Variants in SOX13 observed in about 807,000 individuals in gnomAD.
SOX13 encodes transcription factor SOX-13.
Under a neutral mutation model 71.8 loss-of-function variants are expected in SOX13, and 28 were observed. That is an observed-to-expected ratio of 0.39 (90% CI 0.29 to 0.53). The LOEUF is 0.53. SOX13 is among the 20% of genes least tolerant of loss of function. The pLI is 0.70. For missense variants in SOX13, 627 were observed against 810.3 expected (o/e 0.77, Z 2.75); for synonymous variants, 309 against 317.8 (o/e 0.97, Z 0.29).
intron 1 of SOX13, among the ~76,000 whole-genome samples, chr1:204,088,129 T>C (rs141317855): frequency 2.6e-5 from 4 of 152,350 alleles, no homozygotes; most frequent in African/African-American, 9.6e-5. Flanking sequence ...ATCCTGAGAC[T>C]GGATCTGGAA....
Position 204,123,131 on chromosome 1 carries a change from C to T in SOX13, c.1154C>T (p.Ser385Leu). ...PFRKDLISLD[S>L]SPAKERLEDG... is the part of the protein sequence containing the mutation. Reference sequence around the variant, plus strand: ...ACCTAGGACCTCATCAGCCTGGACTCATCCCCAGCCAAGGAGCGGCTGGAG... The same window carrying T: ...ACCTAGGACCTCATCAGCCTGGACTTATCCCCAGCCAAGGAGCGGCTGGAG... Residue 385 changes from serine (S) to leucine (L), a missense_variant, in exon 11 of 14, where the codon TCA (serine) becomes TTA (leucine). This residue lies in a region of SOX13 where 447 missense variants were observed against 532.2 expected (regional missense o/e 0.84). Transcript: ENST00000367204. The surrounding 1 kb of genome is among the most constrained non-coding windows in gnomAD (Gnocchi z 5.0). 1 of 1,613,760 alleles carries T rather than the reference C, an allele frequency of 6.2e-7. No homozygotes were observed. Among genetic ancestry groups the T allele is most frequent in the South Asian group, 1.1e-5 (1 of 91,074 alleles).
chr1:204,122,727 A>AG, intron 9 of SOX13, 127 bp from the exon 10 acceptor site: 1 of 642,860 alleles, frequency 1.6e-6, no homozygotes, highest in Admixed American at 2.9e-5. Context: ...GAAGAACAGG[A>AG]GGGAACACTA....
intron 1 of SOX13, among the ~76,000 whole-genome samples, chr1:204,080,441 G>T (rs942502042): frequency 1.3e-5 from 2 of 152,106 alleles, no homozygotes; most frequent in African/African-American, 2.4e-5. Context: ...CTCCCCTCCC[G>T]CTCTGGTGGT....
At position 204,125,924 on chromosome 1, in the gene SOX13, G is replaced by A. The variant is rs370195383; in HGVS notation, c.1659G>A (p.Pro553=). The change falls in exon 14 of 14, where the codon CCG becomes CCA. Residue 553 remains proline (P), a synonymous_variant. Coordinates refer to ENST00000367204, the MANE Select transcript of SOX13 (RefSeq NM_005686.3). Reference sequence around the variant, plus strand: ...TGTACCCTCGGGCAGCAGGCATGCCGCTGGCACAGCCACTGGTGGAGCACT... The same window carrying A: ...TGTACCCTCGGGCAGCAGGCATGCCACTGGCACAGCCACTGGTGGAGCACT... The part of the protein sequence containing the change: ...DVLYPRAAGM[P]LAQPLVEHYV... The A allele has an allele frequency of 7.9e-5, 127 of 1,613,466 alleles. 1 individual carries two copies. In the African/African-American group the frequency reaches 1.1e-3, roughly 14 times the overall value.
chr1:204,117,488 C>G (rs1571591016), intron 6 of SOX13, 105 bp from the exon 7 acceptor site: 1 of 737,844 alleles, frequency 1.4e-6, no homozygotes, highest in South Asian at 1.7e-5. Flanking sequence ...CTGCTTTATC[C>G]CCTGTGCCTC....
At chr1:204,082,725 G>C (rs1307794393) in intron 1 of SOX13, among the ~76,000 whole-genome samples, 1 of 152,178 alleles carries the variant, frequency 6.6e-6, no homozygotes, top group Non-Finnish European at 1.5e-5. Flanking sequence ...TAAACTCCTA[G>C]GGACCAGAAC....
chr1:204,112,904 C>G lies in SOX13; in HGVS notation c.-1-11C>G. Reference sequence around the variant, plus strand: ...GGGGACTCACCTCAGCTCACTCTGTCCCTCCCCCAGGATGTCCATGAGGAG... The same window carrying G: ...GGGGACTCACCTCAGCTCACTCTGTGCCTCCCCCAGGATGTCCATGAGGAG... On this transcript the variant is annotated splice_polypyrimidine_tract_variant and intron_variant, in intron 1 of 13. Coordinates refer to ENST00000367204, the MANE Select transcript of SOX13 (RefSeq NM_005686.3). 6.2e-7 allele frequency: 1 copy of G among 1,609,890 alleles called. No homozygotes were observed. Among genetic ancestry groups the G allele is most frequent in the Non-Finnish European group, 8.5e-7 (1 of 1,177,224 alleles).
In SOX13 at chr1:204,117,397, CCCCAGCTGAGA is replaced by C. The variant is rs140120663; in HGVS notation, c.661-193_661-183del. ...AGGGAGGAGCCCGGCATGTCTTCCT[CCCCAGCTGAGA>C]CCTGAGGGCAGGTAGACAGGGGCCC... On this transcript the variant is annotated intron_variant, in intron 6 of 13. Coordinates refer to ENST00000367204, the MANE Select transcript of SOX13 (RefSeq NM_005686.3). Among the ~76,000 whole-genome samples, 388 of 152,284 alleles carry C rather than the reference CCCCAGCTGAGA, an allele frequency of 2.5e-3. 2 individuals are homozygous for C. The highest frequency in any genetic ancestry group is 8.7e-3 in the African/African-American group (360 of 41,560).
intron 1 of SOX13, among the ~76,000 whole-genome samples, chr1:204,090,072 G>A (rs1204401205): frequency 2.6e-5 from 4 of 152,148 alleles, no homozygotes; most frequent in African/African-American, 9.7e-5. Context: ...AGGCTGCTTA[G>A]GGGAGAGTGA....
intron 1 of SOX13, among the ~76,000 whole-genome samples, chr1:204,076,733 G>T (rs1655794129): frequency 6.6e-6 from 1 of 152,164 alleles, no homozygotes; most frequent in Non-Finnish European, 1.5e-5. Flanking sequence ...TGGCCAGAAG[G>T]TTGCTTCTTC....
At chr1:204,118,945 G>A (rs768562946) in intron 7 of SOX13, 7 of 152,290 alleles carry the variant, frequency 4.6e-5, no homozygotes, top group Non-Finnish European at 8.8e-5. Flanking sequence ...TCTAGCAGCA[G>A]GGGATGATAC....
chr1:204,107,822 C>T (rs1007958423), intron 1 of SOX13, among the ~76,000 whole-genome samples: 1 of 152,190 alleles, frequency 6.6e-6, no homozygotes, highest in Non-Finnish European at 1.5e-5. Flanking sequence ...CAGCACCTGC[C>T]GTTGAGCCAG....
At chr1:204,099,878 A>T (rs955635257) in intron 1 of SOX13, among the ~76,000 whole-genome samples, 9 of 152,152 alleles carry the variant, frequency 5.9e-5, no homozygotes, top group Non-Finnish European at 8.8e-5. Flanking sequence ...ATGGTGGCTT[A>T]TGCCTATAAC....
At chr1:204,125,801 G>A in intron 13 of SOX13, 57 bp from the exon 14 acceptor site, 13 of 1,555,352 alleles carry the variant, frequency 8.4e-6, no homozygotes, top group Non-Finnish European at 1.1e-5. Context: ...GAGGGGAGAT[G>A]GGTTTGGGGT....
chr1:204,106,303 G>C (rs1030453698), intron 1 of SOX13, among the ~76,000 whole-genome samples: 2 of 152,160 alleles, frequency 1.3e-5, no homozygotes, highest in African/African-American at 4.8e-5. Context: ...AAAAACCTGA[G>C]AGAGCAGGAG....
intron 1 of SOX13, chr1:204,074,511 G>C (rs907331855): frequency 6.6e-6 from 1 of 152,150 alleles, no homozygotes; most frequent in African/African-American, 2.4e-5. Flanking sequence ...CGCGCGTTCC[G>C]TACGTAAACA....
Position 204,113,817 on chromosome 1 carries a change from A to G in SOX13, c.220-504A>G, listed in dbSNP as rs139682480. Reference sequence around the variant, plus strand: ...GGATGGGGAGGACTTTGACGAGAAGAGGAGTGAGGCAGGCAGTGGGGAGTG... The same window carrying G: ...GGATGGGGAGGACTTTGACGAGAAGGGGAGTGAGGCAGGCAGTGGGGAGTG... On this transcript the variant is annotated intron_variant, in intron 2 of 13. Transcript: ENST00000367204. Among the ~76,000 whole-genome samples the G allele has an allele frequency of 3.3e-3, 498 of 152,194 alleles. 4 individuals are homozygous for G. The highest frequency in any genetic ancestry group is 6.1e-3 in the Non-Finnish European group (412 of 68,004).
Position 204,073,578 on chromosome 1 carries a change from A to G in SOX13, c.-135A>G, listed in dbSNP as rs960898509. 1.3e-5 allele frequency: 2 copies of G among 151,160 alleles called. No individual in the cohort carries two copies. The highest frequency in any genetic ancestry group is 2.4e-5 in the African/African-American group (1 of 41,256). The allele number at this position is 151,160 out of a possible 1,614,324, so 9.4% of individuals were successfully genotyped here. A position where few individuals can be genotyped will look rare whatever the true frequency, so the allele number is the denominator to read the frequency against. ...GCCCCCTCCCAGCCCAGCCTCCCCA[A>G]CCCGGCCCGCCCGCCGCGTCGCGGG... On this transcript the variant is annotated 5_prime_UTR_variant, in exon 1 of 14. Coordinates refer to ENST00000367204, the MANE Select transcript of SOX13 (RefSeq NM_005686.3). The surrounding 1 kb of genome is among the most constrained non-coding windows in gnomAD (Gnocchi z 6.8).
Position 204,081,859 on chromosome 1 carries a change from A to C in SOX13, c.-2+8148A>C, listed in dbSNP as rs185263757. Among the ~76,000 whole-genome samples the C allele has an allele frequency of 2.5e-3, 343 of 139,866 alleles. 6 individuals are homozygous for C. In the East Asian group the frequency reaches 0.035, roughly 14 times the overall value. 91.8% of individuals were successfully genotyped at this position (139,866 alleles called of 152,430 possible). On this transcript the variant is annotated intron_variant, in intron 1 of 13. Coordinates refer to ENST00000367204, the MANE Select transcript of SOX13 (RefSeq NM_005686.3). This position sits in a 1 kb window ranked among gnomAD's most constrained non-coding sequence, Gnocchi z 4.3. ...GGTTTTGGTTCTGGCCTGTTCCATGAGGGTGGGGTAGGGTGGGGAAAGAAG... is the reference window on the plus strand; with the variant it reads ...GGTTTTGGTTCTGGCCTGTTCCATGCGGGTGGGGTAGGGTGGGGAAAGAAG...
Sources: gnomAD v4.1 joint callset for allele counts (sites outside exome capture counted in the v4.1 genomes callset) on GRCh38, gnomAD v4.1.1 for gene constraint, gnomAD v4.1.1 regional missense constraint, Gnocchi (gnomAD v3.1) non-coding constraint, MANE v1.5 for transcripts, NCBI Gene and HGNC (gene_info 2026-07-23, HGNC 2026-07-21) for gene names.